Variants in ZEB1 observed in about 807,000 individuals in gnomAD.
ZEB1 encodes the protein zinc finger E-box binding homeobox 1.
A neutral mutation model predicts 84.9 loss-of-function variants in ZEB1; 21 were observed. The ratio of observed to expected loss-of-function variants is 0.25; its 90% CI spans 0.18 to 0.36. ZEB1 has a LOEUF of 0.36. Ranked by LOEUF, ZEB1 falls within the 10% of genes least tolerant of loss-of-function variation. The probability of loss-of-function intolerance (pLI) is 1.00; values close to 1 mark genes in which losing one functional copy is unlikely to be tolerated. For missense variants in ZEB1, 1,104 were observed against 1,330.2 expected (o/e 0.83, Z 2.65); for synonymous variants, 420 against 471.1 (o/e 0.89, Z 1.41).
At chr10:31,505,488 T>C (rs79593346) in intron 4 of ZEB1, among the ~76,000 whole-genome samples, 6,743 of 152,190 alleles carry the variant, frequency 0.044, 216 homozygotes, top group Middle Eastern at 0.075. Context: ...TTCTATTTCT[T>C]TCTAATTTAA....
chr10:31,442,582 T>C (rs2059164435), intron 1 of ZEB1, among the ~76,000 whole-genome samples: 2 of 149,918 alleles, frequency 1.3e-5, no homozygotes, highest in Admixed American at 1.3e-4. Flanking sequence ...AAAAAAGAAA[T>C]CCAAGTGGAG....
Position 31,443,770 on chromosome 10 carries a change from C to G in ZEB1, c.59-17267C>G, listed in dbSNP as rs2059368890. Among the ~76,000 whole-genome samples the G allele has an allele frequency of 2.7e-5, 4 of 149,278 alleles. No homozygotes were observed. The South Asian group carries it at 8.3e-4, about 31-fold the overall frequency. ...TCATTTTTTATCGCTGCATAGTATT[C>G]CATGGTGTATATGTGCCACCTTTTC... is the stretch of plus-strand genomic sequence containing the variant. On this transcript the variant is annotated intron_variant, in intron 1 of 8. Transcript: ENST00000424869.
chr10:31,458,340 G>T (rs1386872500), intron 1 of ZEB1, among the ~76,000 whole-genome samples: 1 of 147,468 alleles, frequency 6.8e-6, no homozygotes, highest in Non-Finnish European at 1.5e-5. Flanking sequence ...TGTGTGTTGT[G>T]TGTGTGTGTG....
intron 1 of ZEB1, among the ~76,000 whole-genome samples, chr10:31,331,077 C>CTTTTTT (rs1238584690): frequency 4.5e-5 from 4 of 89,064 alleles, no homozygotes; most frequent in African/African-American, 2.1e-4. Flanking sequence ...TTTTTTCTTT[C>CTTTTTT]TTTCTTTTTT....
chr10:31,409,063 A>G (rs1440456933), intron 1 of ZEB1, among the ~76,000 whole-genome samples: 4 of 152,162 alleles, frequency 2.6e-5, no homozygotes, highest in African/African-American at 4.8e-5. Context: ...AAAACATACA[A>G]CCCCATCAAA....
In ZEB1 at chr10:31,337,683, G is replaced by GTT. The variant is rs756379165; in HGVS notation, c.58+18412_58+18413dup. Among the ~76,000 whole-genome samples, 541 of 98,786 alleles carry GTT rather than the reference G, an allele frequency of 5.5e-3. 26 individuals carry two copies. The highest frequency in any genetic ancestry group is 0.018 in the Middle Eastern group (2 of 110). The allele number at this position is 98,786 out of a possible 152,430, so 64.8% of individuals were successfully genotyped here. A position where few individuals can be genotyped will look rare whatever the true frequency, so the allele number is the denominator to read the frequency against. The stretch of plus-strand genomic sequence containing the variant: ...AGATAAAGCTTAATAATTTCTTTCT[G>GTT]TTTTTTTTTTTTTTTTTTTTTTGAT... On this transcript the variant is annotated intron_variant, in intron 1 of 8. Transcript: ENST00000424869.
Position 31,520,582 on chromosome 10 carries a change from T to C in ZEB1, c.1250T>C (p.Leu417Pro). ...SINLSDIQNV[L>P]KVAVDGNVIR... The stretch of plus-strand genomic sequence containing the variant: ...AATTTAAGTGATATTCAGAATGTAC[T>C]TAAAGTGGCGGTAGATGGTAATGTA... The change falls in exon 7 of 9, where the codon CTT becomes CCT. Residue 417 changes from leucine to proline, a missense_variant. Around this residue, in one of 7 missense-constraint regions of ZEB1, gnomAD observed 531 missense variants for 575.2 expected, o/e 0.92. Transcript: ENST00000424869. The surrounding 1 kb of genome is among the most constrained non-coding windows in gnomAD (Gnocchi z 5.1). 1 of 1,614,052 alleles carries C rather than the reference T, an allele frequency of 6.2e-7. No homozygotes were observed. The highest frequency in any genetic ancestry group is 8.5e-7 in the Non-Finnish European group (1 of 1,179,968).
chr10:31,449,095 G>T (rs1210607302), intron 1 of ZEB1, among the ~76,000 whole-genome samples: 2 of 152,380 alleles, frequency 1.3e-5, no homozygotes, highest in Admixed American at 6.5e-5. Flanking sequence ...TCTGAGCCAG[G>T]TGTGGGATAT....
chr10:31,421,786 A>C (rs1278057849), intron 1 of ZEB1, among the ~76,000 whole-genome samples: 1 of 152,084 alleles, frequency 6.6e-6, no homozygotes, highest in Non-Finnish European at 1.5e-5. Flanking sequence ...ATTTATTTAC[A>C]TGCCTGTCTC....
chr10:31,470,065 A>T (rs1017464728), intron 2 of ZEB1, among the ~76,000 whole-genome samples: 9 of 151,646 alleles, frequency 5.9e-5, no homozygotes, highest in Admixed American at 5.9e-4. Flanking sequence ...CCATCTGTAC[A>T]TCACCATCAT....
chr10:31,407,079 ACTT>A (rs773891688), intron 1 of ZEB1, among the ~76,000 whole-genome samples: 10 of 150,128 alleles, frequency 6.7e-5, no homozygotes, highest in East Asian at 3.9e-4. Context: ...TTTATTTTTA[ACTT>A]CTTATTTATT....
chr10:31,469,405 G>T (rs530665702), intron 2 of ZEB1, among the ~76,000 whole-genome samples: 5 of 150,344 alleles, frequency 3.3e-5, no homozygotes, highest in Admixed American at 2.6e-4. Flanking sequence ...CTCGGGAAGC[G>T]CAAGGGGTCA....
At chr10:31,460,305 C>T (rs1289325027) in intron 1 of ZEB1, among the ~76,000 whole-genome samples, 1 of 151,992 alleles carries the variant, frequency 6.6e-6, no homozygotes, top group African/African-American at 2.4e-5. Context: ...GAAAAAGGTG[C>T]TCATTTGAAA....
chr10:31,371,491 C>T lies in ZEB1; in HGVS notation c.58+52199C>T, dbSNP rs561263573. ...GTTTCATTAGGCTAAATAAGAAAAA[C>T]GTCGTTATGTATTTTCTGCTTTAAA... is the stretch of plus-strand genomic sequence containing the variant. On this transcript the variant is annotated intron_variant, in intron 1 of 8. Coordinates refer to ENST00000424869, the MANE Select transcript of ZEB1 (RefSeq NM_001174096.2). 4.6e-5 allele frequency among the ~76,000 whole-genome samples: 7 copies of T among 152,164 alleles called. No homozygotes were observed. In the South Asian group the frequency reaches 6.2e-4, roughly 14 times the overall value.
upstream of ZEB1, chr10:31,319,174 G>T: frequency 1.7e-6 from 2 of 1,144,458 alleles, no homozygotes; most frequent in Non-Finnish European, 2.4e-6. Flanking sequence ...GGAGGGGTGG[G>T]GGGGAAGGGG....
rs187727379 is a variant in ZEB1 at position 31,384,037 on chromosome 10, G to C, written c.58+64745G>C. Among the ~76,000 whole-genome samples, 558 of 129,856 alleles carry C rather than the reference G, an allele frequency of 4.3e-3. 1 individual carries two copies. The highest frequency in any genetic ancestry group is 0.02 in the Middle Eastern group (4 of 202). The allele number at this position is 129,856 out of a possible 152,430, so 85.2% of individuals were successfully genotyped here. On this transcript the variant is annotated intron_variant, in intron 1 of 8. Transcript: ENST00000424869. ...CGCCCAGACTGGAGTGCAGTAGTGTGATTTCAGCTCACTGCAGCCTCACCA... is the reference window on the plus strand; with the variant it reads ...CGCCCAGACTGGAGTGCAGTAGTGTCATTTCAGCTCACTGCAGCCTCACCA...
chr10:31,527,384 G>T lies in ZEB1; in HGVS notation c.*120G>T. 8.4e-5 allele frequency: 92 copies of T among 1,095,274 alleles called. No individual in the cohort carries two copies. Among genetic ancestry groups the T allele is most frequent in the Middle Eastern group, 2.8e-4 (1 of 3,572 alleles). The allele number at this position is 1,095,274 out of a possible 1,614,324, so 67.8% of individuals were successfully genotyped here. The stretch of plus-strand genomic sequence containing the variant: ...TGATTCCTGTTCACTACTGTGTAAA[G>T]TAAAAACTAAAAAAATACAAAATAC... On this transcript the variant is annotated 3_prime_UTR_variant, in exon 9 of 9. Transcript: ENST00000424869.
intron 1 of ZEB1, among the ~76,000 whole-genome samples, chr10:31,442,557 A>C (rs564830339): frequency 4.2e-5 from 6 of 142,392 alleles, no homozygotes; most frequent in African/African-American, 1.8e-4. Context: ...TAAAAGTATA[A>C]TAATAATAAT....
At chr10:31,490,701 CTA>C in intron 2 of ZEB1, among the ~76,000 whole-genome samples, 1 of 151,632 alleles carries the variant, frequency 6.6e-6, no homozygotes, top group Non-Finnish European at 1.5e-5. Flanking sequence ...TCATCTTTTC[CTA>C]TGTGACTTGA....
Sources: gnomAD v4.1 joint callset for allele counts (sites outside exome capture counted in the v4.1 genomes callset) on GRCh38, gnomAD v4.1.1 for gene constraint, gnomAD v4.1.1 regional missense constraint, Gnocchi (gnomAD v3.1) non-coding constraint, MANE v1.5 for transcripts, NCBI Gene and HGNC (gene_info 2026-07-23, HGNC 2026-07-21) for gene names.